EIF5: variants seen among roughly 807,000 people sequenced by gnomAD.
EIF5 encodes eukaryotic translation initiation factor 5.
In EIF5, 10 loss-of-function variants were observed where a neutral mutation model predicts 48.3. The ratio of observed to expected loss-of-function variants is 0.21; its 90% CI spans 0.13 to 0.35. The LOEUF (loss-of-function observed/expected upper bound fraction) is 0.35. Ranked by LOEUF, EIF5 falls within the 10% of genes least tolerant of loss-of-function variation. The pLI is 1.00. For synonymous variants in EIF5, 237 were observed against 173.1 expected, an observed-to-expected ratio of 1.37 and a Z score of -2.90; for missense variants, 397 against 533.2, an observed-to-expected ratio of 0.74 and a Z score of 2.51.
chr14:103,339,059 C>A (rs1185549529), intron 8 of EIF5, 113 bp from the exon 9 acceptor site: 3 of 1,484,148 alleles, frequency 2.0e-6, no homozygotes, highest in African/African-American at 2.8e-5. Flanking sequence ...CTATGTGTCA[C>A]AACTGCCAAA....
intron 6 of EIF5, 140 bp from the exon 7 acceptor site, chr14:103,338,187 C>T (rs1253676271): frequency 6.9e-5 from 82 of 1,194,422 alleles, no homozygotes; most frequent in Non-Finnish European, 9.4e-5. Context: ...TGTGAAGCCT[C>T]TTAGGTAGCA....
rs1595365837 is a variant in EIF5 at position 103,341,056 on chromosome 14, G to T, written c.*4G>T. The T allele has an allele frequency of 1.9e-6, 3 of 1,613,892 alleles. No individual in the cohort carries two copies. The highest frequency in any genetic ancestry group is 2.2e-5 in the South Asian group (2 of 91,066). On this transcript the variant is annotated 3_prime_UTR_variant, in exon 12 of 12. Coordinates refer to ENST00000216554, the MANE Select transcript of EIF5 (RefSeq NM_001969.5). ...CATCGATATTGATGCCATTTAAAGG[G>T]ATGGATGCAACCTAGCTTAACAGTA...
intron 11 of EIF5, 78 bp downstream of exon 11, chr14:103,340,639 A>G: frequency 6.5e-7 from 1 of 1,526,994 alleles, no homozygotes. Flanking sequence ...GTGAGGAGTG[A>G]TATAATGGCA....
rs2089278090 is a variant in EIF5, at chr14:103,335,822, A to G, written c.-39A>G. On this transcript the variant is annotated 5_prime_UTR_variant, in exon 3 of 12. Transcript: ENST00000216554. ...AGATACCAAAAAGTTGCAATCAAAG[A>G]TCTCTTCATCTTATTGATAAAGCCA... 1 of 1,608,634 alleles carries G rather than the reference A, an allele frequency of 6.2e-7. No homozygotes were observed. The highest frequency in any genetic ancestry group is 1.7e-5 in the Admixed American group (1 of 59,910).
Position 103,343,936 on chromosome 14 carries a change from C to G in EIF5, c.*2884C>G, listed in dbSNP as rs542013548. The G allele has an allele frequency of 9.8e-5, 15 of 152,340 alleles. No homozygotes were observed. The highest frequency in any genetic ancestry group is 3.6e-4 in the African/African-American group (15 of 41,578). 9.4% of individuals were successfully genotyped at this position (152,340 alleles called of 1,614,324 possible). Reference sequence around the variant, plus strand: ...AGTATTCCGGAGTAACCAGCAAATGCAAAGTTGACCTTGTTCCTGCATCAT... The same window carrying G: ...AGTATTCCGGAGTAACCAGCAAATGGAAAGTTGACCTTGTTCCTGCATCAT... On this transcript the variant is annotated 3_prime_UTR_variant, in exon 12 of 12. Transcript: ENST00000216554.
chr14:103,340,538 GA>G lies in EIF5; in HGVS notation c.1185del (p.Asp396MetfsTer22), dbSNP rs2089341099. On this transcript the variant is annotated frameshift_variant, in exon 11 of 12. Transcript: ENST00000216554. LOFTEE classifies it high-confidence loss of function. ...GGAAGAATCTTCTGGTGGCGAAGAA[GA>G]AGATGAAGATGAGAACATTGAGGTA... Reference protein sequence around the residue: ...AEEESSGGEEEDEDENIEVVY... With the variant: ...AEEESSGGEEXDEDENIEVVY... The G allele has an allele frequency of 6.2e-7, 1 of 1,612,546 alleles. No individual in the cohort carries two copies. Among genetic ancestry groups the G allele is most frequent in the African/African-American group, 1.3e-5 (1 of 74,916 alleles).
In EIF5 at chr14:103,343,559, G is replaced by C. The variant is rs2089378218; in HGVS notation, c.*2507G>C. 6.6e-6 allele frequency: 1 copy of C among 152,212 alleles called. No homozygotes were observed. Among genetic ancestry groups the C allele is most frequent in the Non-Finnish European group, 1.5e-5 (1 of 68,042 alleles). 9.4% of individuals were successfully genotyped at this position (152,212 alleles called of 1,614,324 possible). A position where few individuals can be genotyped will look rare whatever the true frequency, so the allele number is the denominator to read the frequency against. On this transcript the variant is annotated 3_prime_UTR_variant, in exon 12 of 12. Coordinates refer to ENST00000216554, the MANE Select transcript of EIF5 (RefSeq NM_001969.5). ...TTTTTAGTGTGGGTCCTAAAGTTTA[G>C]AGATGGGCAAGGAGGTCTCTAATCC...
chr14:103,337,355 C>A, intron 6 of EIF5, 128 bp downstream of exon 6: 1 of 780,726 alleles, frequency 1.3e-6, no homozygotes, highest in South Asian at 2.0e-5. Flanking sequence ...TTGTATTCCC[C>A]GCATTTTGGG....
At chr14:103,340,381 G>A (rs777690097) in intron 10 of EIF5, 46 bp from the exon 11 acceptor site, 2 of 1,578,122 alleles carry the variant, frequency 1.3e-6, no homozygotes, top group Non-Finnish European at 1.7e-6. Flanking sequence ...ATAATCAAAA[G>A]TTGTTAAAAT....
At chr14:103,339,840 G>A (rs1248925976) in intron 10 of EIF5, 37 bp downstream of exon 10, 4 of 1,582,804 alleles carry the variant, frequency 2.5e-6, no homozygotes, top group East Asian at 4.5e-5. Flanking sequence ...AAGTTCACAG[G>A]TTTTGGGGGG....
intron 11 of EIF5, 31 bp from the exon 12 acceptor site, chr14:103,340,932 T>C (rs1419256706): frequency 1.3e-6 from 2 of 1,596,986 alleles, no homozygotes; most frequent in Non-Finnish European, 1.7e-6. Context: ...ATTTATCAGC[T>C]TATGTTGAAT....
chr14:103,338,573 A>C, intron 7 of EIF5, 101 bp downstream of exon 7: 1 of 1,494,598 alleles, frequency 6.7e-7, no homozygotes, highest in South Asian at 1.3e-5. Context: ...TTCAGTGTGT[A>C]ATACACTAAT....
intron 11 of EIF5, 42 bp downstream of exon 11, chr14:103,340,603 T>C: frequency 6.3e-7 from 1 of 1,577,026 alleles, no homozygotes; most frequent in Non-Finnish European, 8.7e-7. Flanking sequence ...AGTGCTGGCA[T>C]GGGTGTTTGA....
rs1361627677 is a variant in EIF5, at chr14:103,343,469, GT to G, written c.*2419del. On this transcript the variant is annotated 3_prime_UTR_variant, in exon 12 of 12. Coordinates refer to ENST00000216554, the MANE Select transcript of EIF5 (RefSeq NM_001969.5). ...CTGTGAATAATTGTATATATCTCTA[GT>G]TAAGAATGAGGGAATGGGGAGGTTT... is the stretch of plus-strand genomic sequence containing the variant. The G allele has an allele frequency of 6.6e-6, 1 of 152,198 alleles. No homozygotes were observed. The highest frequency in any genetic ancestry group is 1.5e-5 in the Non-Finnish European group (1 of 68,032). 9.4% of individuals were successfully genotyped at this position (152,198 alleles called of 1,614,324 possible). A position where few individuals can be genotyped will look rare whatever the true frequency, so the allele number is the denominator to read the frequency against.
chr14:103,337,214 C>G lies in EIF5; in HGVS notation c.426C>G (p.Leu142=). The G allele has an allele frequency of 1.9e-6, 3 of 1,611,516 alleles. No individual in the cohort carries two copies. The highest frequency in any genetic ancestry group is 2.5e-6 in the Non-Finnish European group (3 of 1,179,292). Residue 142 remains leucine (L), a synonymous_variant, in exon 6 of 12, where the codon CTC becomes CTG. Transcript: ENST00000216554. The stretch of plus-strand genomic sequence containing the variant: ...ATCATAAACTCTGCACATTCATTCT[C>G]AAAAACCCACCTGGTGAGTCTTCCA... The part of the protein sequence containing the change: ...DTHHKLCTFI[L]KNPPENSDSG...
intron 4 of EIF5, 78 bp from the exon 5 acceptor site, chr14:103,336,593 AAAAGTG>A: frequency 7.0e-7 from 1 of 1,433,998 alleles, no homozygotes; most frequent in South Asian, 1.5e-5. Flanking sequence ...AAAAAAAAAA[AAAAGTG>A]GTGTTCGTAC....
chr14:103,336,015 T>C (rs1478625498), intron 3 of EIF5, 21 bp from the exon 4 acceptor site: 1 of 1,613,972 alleles, frequency 6.2e-7, no homozygotes, highest in Non-Finnish European at 8.5e-7. Context: ...ACTGCACAAC[T>C]AAAATTCTTA....
rs1390301882 is a variant in EIF5, at chr14:103,342,873, T to C, written c.*1821T>C. On this transcript the variant is annotated 3_prime_UTR_variant, in exon 12 of 12. Transcript: ENST00000216554. Reference sequence around the variant, plus strand: ...TTAACTGGAATTCTGTAGGAGATACTGGTGACCTAAGCTAAGTTGCACTCA... The same window carrying C: ...TTAACTGGAATTCTGTAGGAGATACCGGTGACCTAAGCTAAGTTGCACTCA... The C allele has an allele frequency of 6.6e-6, 1 of 152,666 alleles. No homozygotes were observed. Among genetic ancestry groups the C allele is most frequent in the Non-Finnish European group, 1.5e-5 (1 of 68,046 alleles). The allele number at this position is 152,666 out of a possible 1,614,324, so 9.5% of individuals were successfully genotyped here.
rs766719000 is a variant in EIF5 at position 103,340,418 on chromosome 14, A to C, written c.1072-9A>C. 5 of 1,596,998 alleles carry C rather than the reference A, an allele frequency of 3.1e-6. No homozygotes were observed. The highest frequency in any genetic ancestry group is 1.7e-5 in the Admixed American group (1 of 59,708). On this transcript the variant is annotated splice_polypyrimidine_tract_variant and intron_variant, in intron 10 of 11. Coordinates refer to ENST00000216554, the MANE Select transcript of EIF5 (RefSeq NM_001969.5). ...CCTCAACTAAGAGACTTGTACTCACATTTTTTAGGCCTCTAAGAAATATGT... is the reference window on the plus strand; with the variant it reads ...CCTCAACTAAGAGACTTGTACTCACCTTTTTTAGGCCTCTAAGAAATATGT...
Sources: gnomAD v4.1 joint callset for allele counts on GRCh38, gnomAD v4.1.1 for gene constraint, MANE v1.5 for transcripts, NCBI Gene and HGNC (gene_info 2026-07-23, HGNC 2026-07-21) for gene names.